Variants in OAS2 observed in about 807,000 individuals in gnomAD.
OAS2 encodes the protein 2'-5'-oligoadenylate synthase 2.
In OAS2, 67 loss-of-function variants were observed where a neutral mutation model predicts 71.3. The observed-to-expected ratio is 0.94, with a 90% CI of 0.77 to 1.15. OAS2 has a LOEUF of 1.15. Among genes scored for constraint, OAS2 ranks in the 50% most tolerant of loss-of-function variants. OAS2 has a pLI of 0.00. For synonymous variants in OAS2, 327 were observed against 321.8 expected (o/e 1.02, Z -0.17); for missense variants, 789 against 822.5 (o/e 0.96, Z 0.50).
intron 2 of OAS2, among the ~76,000 whole-genome samples, chr12:112,991,661 A>T (rs1049930127): frequency 6.6e-6 from 1 of 152,194 alleles, no homozygotes; most frequent in African/African-American, 2.4e-5. Flanking sequence ...GCAATCAAAT[A>T]CACATTTATC....
intron 5 of OAS2, among the ~76,000 whole-genome samples, chr12:113,002,124 A>C (rs2044295712): frequency 6.6e-6 from 1 of 152,192 alleles, no homozygotes; most frequent in Admixed American, 6.5e-5. Flanking sequence ...TCATACACCA[A>C]GCCTCAGCGA....
chr12:112,978,710 C>T lies in OAS2; in HGVS notation c.102C>T (p.Ile34=), dbSNP rs771070877. 2.5e-6 allele frequency: 4 copies of T among 1,614,132 alleles called. No individual in the cohort carries two copies. Among genetic ancestry groups the T allele is most frequent in the Non-Finnish European group, 3.4e-6 (4 of 1,180,014 alleles). ...LKPYEECQTL[I]DEMVNTICDV... ...CCTACGAAGAATGTCAGACACTGAT[C>T]GACGAGATGGTGAACACCATCTGTG... Residue 34 remains isoleucine, a synonymous_variant, in exon 1 of 10, where the codon ATC becomes ATT. Transcript: ENST00000392583. This position sits in a 1 kb window ranked among gnomAD's most constrained non-coding sequence, Gnocchi z 4.2.
rs34600329 is a variant in OAS2, at chr12:113,009,394, GC to G, written c.*144del. ...CTTAAACAGCTGGTCAGCCCCCTAA[GC>G]CCCCACTACAAGTGATCCTCAGGCA... On this transcript the variant is annotated 3_prime_UTR_variant, in exon 10 of 10. Transcript: ENST00000392583. 0.24 allele frequency: 360,630 copies of G among 1,488,622 alleles called. 46,074 individuals carry two copies. Among genetic ancestry groups the G allele is most frequent in the East Asian group, 0.45 (18,913 of 42,172 alleles). The allele number at this position is 1,488,622 out of a possible 1,614,324, so 92.2% of individuals were successfully genotyped here.
intron 6 of OAS2, 139 bp from the exon 7 acceptor site, chr12:113,004,795 G>T: frequency 1.4e-6 from 1 of 712,006 alleles, no homozygotes; most frequent in Non-Finnish European, 2.3e-6. Flanking sequence ...CCTTTGCTTT[G>T]GACTCAGCCC....
At position 113,007,580 on chromosome 12, in the gene OAS2, C is replaced by T. The variant is rs1166737392; in HGVS notation, c.1657-125C>T. On this transcript the variant is annotated intron_variant, in intron 8 of 9. Coordinates refer to ENST00000392583, the MANE Select transcript of OAS2 (RefSeq NM_002535.3). ...CCTGTAGGCTGTACAATTTAGACAT[C>T]CAAGCTGCAGAGTGTGAGCACACCA... is the stretch of plus-strand genomic sequence containing the variant. 6 of 766,122 alleles carry T rather than the reference C, an allele frequency of 7.8e-6. 1 individual carries two copies. The South Asian group carries it at 8.3e-5, about 11-fold the overall frequency. The allele number at this position is 766,122 out of a possible 1,614,324, so 47.5% of individuals were successfully genotyped here. A position where few individuals can be genotyped will look rare whatever the true frequency, so the allele number is the denominator to read the frequency against.
chr12:112,999,659 C>G (rs1811076671), intron 5 of OAS2, among the ~76,000 whole-genome samples: 1 of 152,188 alleles, frequency 6.6e-6, no homozygotes, highest in African/African-American at 2.4e-5. Context: ...CACCCTAACC[C>G]CTACTTTCAC....
chr12:113,001,523 CAT>C (rs769780222), intron 5 of OAS2, among the ~76,000 whole-genome samples: 8 of 148,216 alleles, frequency 5.4e-5, no homozygotes, highest in East Asian at 2.0e-4. Flanking sequence ...TATATATACA[CAT>C]ATATATATAT....
At chr12:113,004,367 G>A (rs1438032685) in intron 6 of OAS2, among the ~76,000 whole-genome samples, 1 of 152,176 alleles carries the variant, frequency 6.6e-6, no homozygotes, top group Admixed American at 6.5e-5. Flanking sequence ...AAACTAAATG[G>A]AGGAGAAAGA....
chr12:112,987,118 A>G lies in OAS2; in HGVS notation c.258A>G (p.Gln86=). ...TLVLFFSDLK[Q]FQDQKRSQRD... ...TCCTCTTCTTCAGTGACTTAAAACA[A>G]TTCCAGGATCAGAAGAGAAGCCAAC... Residue 86 remains glutamine, a synonymous_variant, in exon 2 of 10, where the codon CAA becomes CAG. Transcript: ENST00000392583. 1 of 1,614,184 alleles carries G rather than the reference A, an allele frequency of 6.2e-7. No individual in the cohort carries two copies. The highest frequency in any genetic ancestry group is 8.5e-7 in the Non-Finnish European group (1 of 1,180,018).
At chr12:113,002,592 CA>C (rs1387637417) in intron 5 of OAS2, among the ~76,000 whole-genome samples, 3 of 152,182 alleles carry the variant, frequency 2.0e-5, no homozygotes, top group Admixed American at 1.3e-4. Context: ...CAAAAAGCCA[CA>C]GGTCATTAGG....
chr12:112,988,296 A>G, intron 2 of OAS2: 1 of 890,562 alleles, frequency 1.1e-6, no homozygotes, highest in Non-Finnish European at 1.3e-6. Context: ...TCACAAATCT[A>G]GAAGCCTCCT....
rs768622516 is a variant in OAS2, at chr12:112,987,111, TAAAAC to T, written c.254_258del (p.Lys85IlefsTer10). On this transcript the variant is annotated frameshift_variant, in exon 2 of 10. Transcript: ENST00000392583. LOFTEE classifies it high-confidence loss of function. ...ACCCTTGTCCTCTTCTTCAGTGACT[TAAAAC>T]AATTCCAGGATCAGAAGAGAAGCCA... The T allele has an allele frequency of 1.1e-5, 17 of 1,614,126 alleles. No homozygotes were observed. Among genetic ancestry groups the T allele is most frequent in the South Asian group, 2.2e-5 (2 of 91,074 alleles).
In OAS2 at chr12:112,987,755, G is replaced by A; in HGVS notation, c.448+447G>A. On this transcript the variant is annotated intron_variant, in intron 2 of 9. Transcript: ENST00000392583. Reference sequence around the variant, plus strand: ...AGGATGAGGCAGACATCTGGGAAAAGTCCAGCTGGGGCAAGCATTTGAAGT... The same window carrying A: ...AGGATGAGGCAGACATCTGGGAAAAATCCAGCTGGGGCAAGCATTTGAAGT... 3 of 1,000,396 alleles carry A rather than the reference G, an allele frequency of 3.0e-6. No homozygotes were observed. In the South Asian group the frequency reaches 1.4e-4, roughly 47 times the overall value. The allele number at this position is 1,000,396 out of a possible 1,614,324, so 62.0% of individuals were successfully genotyped here. A position where few individuals can be genotyped will look rare whatever the true frequency, so the allele number is the denominator to read the frequency against.
chr12:113,011,043 C>G lies in OAS2; in HGVS notation c.*1788C>G, dbSNP rs1194622449. On this transcript the variant is annotated 3_prime_UTR_variant, in exon 10 of 10. Transcript: ENST00000392583. The stretch of plus-strand genomic sequence containing the variant: ...AGGCTGTTGTCTTTTCCTTCTGAGC[C>G]TGCCTTTCTCCCCCCCACCCAGGAG... 1 of 67,528 alleles carries G rather than the reference C, an allele frequency of 1.5e-5. No homozygotes were observed. The highest frequency in any genetic ancestry group is 1.3e-4 in the African/African-American group (1 of 7,470). 4.2% of individuals were successfully genotyped at this position (67,528 alleles called of 1,614,324 possible).
At chr12:113,005,918 CAAAAAAAAAAAAAA>C (rs138299398) in intron 7 of OAS2, among the ~76,000 whole-genome samples, 7 of 49,046 alleles carry the variant, frequency 1.4e-4, no homozygotes, top group African/African-American at 8.1e-4. Context: ...ACAACAACAA[CAAAAAAAAAAAAAA>C]AAAAAAAAAA....
intron 1 of OAS2, among the ~76,000 whole-genome samples, chr12:112,986,635 C>T (rs1014821979): frequency 1.3e-5 from 2 of 152,132 alleles, no homozygotes; most frequent in Admixed American, 6.6e-5. Context: ...GCAGGTGGGG[C>T]GAGCCTGTCT....
Position 112,987,119 on chromosome 12 carries a change from T to C in OAS2, c.259T>C (p.Phe87Leu). 1 of 1,614,172 alleles carries C rather than the reference T, an allele frequency of 6.2e-7. No individual in the cohort carries two copies. The highest frequency in any genetic ancestry group is 1.3e-5 in the African/African-American group (1 of 75,048). ...CCTCTTCTTCAGTGACTTAAAACAA[T>C]TCCAGGATCAGAAGAGAAGCCAACG... ...LVLFFSDLKQ[F>L]QDQKRSQRDI... Residue 87 changes from phenylalanine to leucine, a missense_variant, in exon 2 of 10, where the codon TTC (phenylalanine) becomes CTC (leucine). By Grantham distance (22) the Phe-to-Leu change is conservative (BLOSUM62 0). Coordinates refer to ENST00000392583, the MANE Select transcript of OAS2 (RefSeq NM_002535.3).
At chr12:112,987,761 C>G (rs140997978) in intron 2 of OAS2, 1 of 998,746 alleles carries the variant, frequency 1.0e-6, no homozygotes, top group Non-Finnish European at 1.2e-6. Context: ...AAAAGTCCAG[C>G]TGGGGCAAGC....
intron 1 of OAS2, among the ~76,000 whole-genome samples, chr12:112,984,555 C>G (rs1468753936): frequency 2.0e-5 from 3 of 152,046 alleles, no homozygotes; most frequent in Admixed American, 6.5e-5. Flanking sequence ...GAATTTAAAC[C>G]GTTGTTAAAT....
Sources: allele counts gnomAD v4.1 joint callset (sites outside exome capture counted in the v4.1 genomes callset), GRCh38; gene constraint gnomAD v4.1.1; non-coding constraint Gnocchi (gnomAD v3.1); transcripts MANE v1.5; gene names NCBI Gene and HGNC (gene_info 2026-07-23, HGNC 2026-07-21).